HGFAC: variants seen among roughly 807,000 people sequenced by gnomAD.
The protein encoded by HGFAC is hepatocyte growth factor activator serine protease.
Under a neutral mutation model 70.6 loss-of-function variants are expected in HGFAC, and 76 were observed. The observed-to-expected ratio is 1.08, with a 90% CI of 0.89 to 1.30. The LOEUF (loss-of-function observed/expected upper bound fraction) is 1.30. Among genes scored for constraint, HGFAC ranks in the 50% most tolerant of loss-of-function variants. The pLI, the probability that HGFAC is intolerant of heterozygous loss-of-function variation, is 0.00. For missense variants in HGFAC, 1,044 were observed against 933.7 expected (o/e 1.12, Z -1.54); for synonymous variants, 464 against 405.3 (o/e 1.14, Z -1.74).
intron 3 of HGFAC, 87 bp from the exon 4 acceptor site, chr4:3,443,254 C>T: frequency 1.5e-6 from 2 of 1,310,760 alleles, no homozygotes; most frequent in Non-Finnish European, 2.1e-6. Context: ...CAGGCGGACC[C>T]AGTGAACCCA....
intron 2 of HGFAC, 29 bp downstream of exon 2, chr4:3,442,941 T>C: frequency 6.4e-7 from 1 of 1,554,212 alleles, no homozygotes; most frequent in South Asian, 1.2e-5. Context: ...GGAGGAGGTG[T>C]CGTGCTTCAC....
chr4:3,443,216 G>A (rs900534697), intron 3 of HGFAC, 70 bp downstream of exon 3: 110 of 1,336,766 alleles, frequency 8.2e-5, no homozygotes, highest in Middle Eastern at 2.2e-4. Context: ...TCTGGGAGCC[G>A]GGCACACAGT....
Position 3,444,688 on chromosome 4 carries a change from G to C in HGFAC, c.796G>C (p.Val266Leu), listed in dbSNP as rs141551121. Residue 266 changes from valine (V) to leucine (L), a missense_variant, in exon 7 of 14, where the codon GTG (valine) becomes CTG (leucine). Transcript: ENST00000382774. ...CCTGATCGTGGCCACCGGGACCACC[G>C]TGTGTGCCTGCCCACCAGGCTTCGC... ...CHLIVATGTT[V>L]CACPPGFAGR... 6.3e-7 allele frequency: 1 copy of C among 1,597,358 alleles called. No individual in the cohort carries two copies. The highest frequency in any genetic ancestry group is 1.3e-5 in the African/African-American group (1 of 74,872).
At chr4:3,443,292 TG>T in intron 3 of HGFAC, 48 bp from the exon 4 acceptor site, 2 of 1,011,046 alleles carry the variant, frequency 2.0e-6, no homozygotes, top group Non-Finnish European at 1.4e-6. Flanking sequence ...TGGGGTGGGG[TG>T]GGGGGCCTCT....
rs576655991 is a variant in HGFAC, at chr4:3,443,093, C to T, written c.342C>T (p.Tyr114=). ...GGCCCTGCAGGTTCCCCTTCCGCTA[C>T]GGGGGCCGCATGCTGCATGCCTGCA... ...DGRPCRFPFR[Y]GGRMLHACTS... is the part of the protein sequence containing the mutation. The change falls in exon 3 of 14, where the codon TAC becomes TAT. Residue 114 remains tyrosine (Y), a synonymous_variant. Transcript: ENST00000382774. 4.6e-5 allele frequency: 74 copies of T among 1,598,306 alleles called. No homozygotes were observed. In the South Asian group the frequency reaches 7.0e-4, roughly 15 times the overall value.
intron 9 of HGFAC, chr4:3,445,629 A>G (rs1489578586): frequency 5.0e-6 from 3 of 600,194 alleles, no homozygotes; most frequent in African/African-American, 3.7e-5. Context: ...GAAGCCTTTC[A>G]GGGAGGTGCA....
In HGFAC at chr4:3,442,052, C is replaced by A; in HGVS notation, c.51C>A (p.Gly17=). Residue 17 remains glycine (G), a synonymous_variant, in exon 1 of 14, where the codon GGC becomes GGA. Transcript: ENST00000382774. ...VPSPWPPPGL[G]PFLLLLLLLL... ...GCCCCTGGCCCCCACCGGGGCTGGGCCCCTTCCTCCTCCTCCTCCTGCTGC... is the reference window on the plus strand; with the variant it reads ...GCCCCTGGCCCCCACCGGGGCTGGGACCCTTCCTCCTCCTCCTCCTGCTGC... 1 of 1,545,780 alleles carries A rather than the reference C, an allele frequency of 6.5e-7. No individual in the cohort carries two copies. The highest frequency in any genetic ancestry group is 8.6e-7 in the Non-Finnish European group (1 of 1,160,302).
Position 3,444,413 on chromosome 4 carries a change from G to T in HGFAC, c.701G>T (p.Arg234Leu), listed in dbSNP as rs199942662. The change falls in exon 6 of 14, where the codon CGG becomes CTG. Residue 234 changes from arginine (R) to leucine (L), a missense_variant. Transcript: ENST00000382774. ...GAACAGTGCGAGTGCTTCGGGGGCCGGACCTGGTGCGAAGGCACCCGACAT... is the reference window on the plus strand; with the variant it reads ...GAACAGTGCGAGTGCTTCGGGGGCCTGACCTGGTGCGAAGGCACCCGACAT... ...HVEQCECFGG[R>L]TWCEGTRHTA... The T allele has an allele frequency of 8.7e-6, 14 of 1,602,486 alleles. No homozygotes were observed. In the Admixed American group the frequency reaches 2.4e-4, roughly 27 times the overall value.
In HGFAC at chr4:3,443,432, G is replaced by A. The variant is rs1187340824; in HGVS notation, c.475+12G>A. 1.4e-5 allele frequency: 20 copies of A among 1,442,536 alleles called. No individual in the cohort carries two copies. The highest frequency in any genetic ancestry group is 1.7e-5 in the Non-Finnish European group (19 of 1,092,526). 89.4% of individuals were successfully genotyped at this position (1,442,536 alleles called of 1,614,324 possible). A position where few individuals can be genotyped will look rare whatever the true frequency, so the allele number is the denominator to read the frequency against. ...TCCAGGGGGCCCAGGTGGGTGCTGGGTTGGGTAGCCTGGGGCGGGCAGGGG... is the reference window on the plus strand; with the variant it reads ...TCCAGGGGGCCCAGGTGGGTGCTGGATTGGGTAGCCTGGGGCGGGCAGGGG... On this transcript the variant is annotated intron_variant, in intron 4 of 13. Transcript: ENST00000382774.
At chr4:3,443,747 G>A (rs1342542450) in intron 4 of HGFAC, among the ~76,000 whole-genome samples, 1 of 152,104 alleles carries the variant, frequency 6.6e-6, no homozygotes, top group Non-Finnish European at 1.5e-5. Flanking sequence ...TGCTCACATG[G>A]GTCCTGGGAC....
At chr4:3,443,965 G>A (rs1330463477) in intron 4 of HGFAC, 74 bp from the exon 5 acceptor site, 9 of 1,480,402 alleles carry the variant, frequency 6.1e-6, no homozygotes, top group Non-Finnish European at 7.2e-6. Context: ...GGACGCCTTA[G>A]CAAGCAGAGA....
At chr4:3,444,239 C>A in intron 5 of HGFAC, 72 bp from the exon 6 acceptor site, 1 of 1,561,290 alleles carries the variant, frequency 6.4e-7, no homozygotes, top group African/African-American at 1.4e-5. Context: ...AGGTGGCTCC[C>A]GAGTGCAGGG....
chr4:3,447,743 G>GT lies in HGFAC; in HGVS notation c.1495+112_1495+113insT. 3 of 1,541,276 alleles carry GT rather than the reference G, an allele frequency of 1.9e-6. 1 individual carries two copies. On this transcript the variant is annotated intron_variant, in intron 11 of 13. Coordinates refer to ENST00000382774, the MANE Select transcript of HGFAC (RefSeq NM_001528.4). ...AGACATGTGGTGCGGGGGAAGCTGG[G>GT]GGCAGGGCAGGGAGGACAGGGCACC... is the stretch of plus-strand genomic sequence containing the variant.
chr4:3,444,501 C>T (rs1000200470), intron 6 of HGFAC, 59 bp downstream of exon 6: 68 of 1,528,366 alleles, frequency 4.4e-5, no homozygotes, highest in African/African-American at 2.6e-4. Context: ...TGTCCACACC[C>T]GAGTGGGAGG....
chr4:3,444,720 G>T lies in HGFAC; in HGVS notation c.828G>T (p.Arg276=), dbSNP rs780298311. ...CCTGCCCACCAGGCTTCGCTGGACGGCTCTGCAACATCGGTGAGTGGGTCA... is the reference window on the plus strand; with the variant it reads ...CCTGCCCACCAGGCTTCGCTGGACGTCTCTGCAACATCGGTGAGTGGGTCA... ...VCACPPGFAG[R]LCNIEPDERC... The change falls in exon 7 of 14, where the codon CGG becomes CGT. Residue 276 remains arginine (R), a synonymous_variant. Coordinates refer to ENST00000382774, the MANE Select transcript of HGFAC (RefSeq NM_001528.4). The T allele has an allele frequency of 6.3e-7, 1 of 1,594,500 alleles. No individual in the cohort carries two copies. Among genetic ancestry groups the T allele is most frequent in the Non-Finnish European group, 8.5e-7 (1 of 1,176,684 alleles).
At chr4:3,446,401 G>C in intron 10 of HGFAC, 107 bp downstream of exon 10, 1 of 1,406,740 alleles carries the variant, frequency 7.1e-7, no homozygotes, top group Middle Eastern at 2.6e-4. Flanking sequence ...CGGTGCCTCT[G>C]CTGACCCCTT....
At position 3,441,999 on chromosome 4, in the gene HGFAC, G is replaced by T; in HGVS notation, c.-3G>T. 1 of 1,483,216 alleles carries T rather than the reference G, an allele frequency of 6.7e-7. No individual in the cohort carries two copies. Among genetic ancestry groups the T allele is most frequent in the Non-Finnish European group, 8.9e-7 (1 of 1,127,182 alleles). 91.9% of individuals were successfully genotyped at this position (1,483,216 alleles called of 1,614,324 possible). A position where few individuals can be genotyped will look rare whatever the true frequency, so the allele number is the denominator to read the frequency against. ...CACTGCCCCTCAGGCCAGCTCAGGA[G>T]CCATGGGGCGCTGGGCCTGGGTCCC... On this transcript the variant is annotated 5_prime_UTR_variant, in exon 1 of 14. Coordinates refer to ENST00000382774, the MANE Select transcript of HGFAC (RefSeq NM_001528.4). The surrounding 1 kb of genome is among the most constrained non-coding windows in gnomAD (Gnocchi z 6.0).
chr4:3,447,731 G>C (rs1037637827), intron 11 of HGFAC, 100 bp downstream of exon 11: 14 of 1,548,806 alleles, frequency 9.0e-6, no homozygotes, highest in Non-Finnish European at 1.2e-5. Context: ...CATGTGGTGC[G>C]GGGGAAGCTG....
Position 3,442,057 on chromosome 4 carries a change from TCCTC to T in HGFAC, c.58_61del (p.Leu20SerfsTer40), listed in dbSNP as rs776145153. On this transcript the variant is annotated frameshift_variant, in exon 1 of 14. Transcript: ENST00000382774. LOFTEE classifies it high-confidence loss of function. ...TGGCCCCCACCGGGGCTGGGCCCCT[TCCTC>T]CTCCTCCTCCTGCTGCTGCTGCTGC... The T allele has an allele frequency of 1.3e-6, 2 of 1,523,538 alleles. No individual in the cohort carries two copies. The highest frequency in any genetic ancestry group is 1.7e-6 in the Non-Finnish European group (2 of 1,146,060). The allele number at this position is 1,523,538 out of a possible 1,614,324, so 94.4% of individuals were successfully genotyped here. A position where few individuals can be genotyped will look rare whatever the true frequency, so the allele number is the denominator to read the frequency against.
Sources: gnomAD v4.1 joint callset for allele counts (sites outside exome capture counted in the v4.1 genomes callset) on GRCh38, gnomAD v4.1.1 for gene constraint, Gnocchi (gnomAD v3.1) non-coding constraint, MANE v1.5 for transcripts, NCBI Gene and HGNC (gene_info 2026-07-23, HGNC 2026-07-21) for gene names.